KCNH7: variants seen among roughly 807,000 people sequenced by gnomAD.
KCNH7 encodes the protein potassium voltage-gated channel subfamily H member 7.
Under a neutral mutation model 120.8 loss-of-function variants are expected in KCNH7, and 49 were observed. The ratio of observed to expected loss-of-function variants is 0.41; its 90% confidence interval spans 0.32 to 0.51. The LOEUF (loss-of-function observed/expected upper bound fraction) is 0.51. KCNH7 is among the 20% of genes least tolerant of loss of function. The pLI is 0.38. For synonymous variants in KCNH7, 547 were observed against 516.1 expected (o/e 1.06, Z -0.81); for missense variants, 1,097 against 1,446.6 (o/e 0.76, Z 3.92).
chr2:162,722,146 C>T (rs76268516), intron 2 of KCNH7, among the ~76,000 whole-genome samples: 6,133 of 151,900 alleles, frequency 0.04, 170 homozygotes, highest in Middle Eastern at 0.11. Flanking sequence ...ACACTTTTTA[C>T]TAAACGAACC....
At chr2:162,590,551 G>A (rs1039628700) in intron 2 of KCNH7, among the ~76,000 whole-genome samples, 2 of 152,024 alleles carry the variant, frequency 1.3e-5, no homozygotes, top group African/African-American at 4.8e-5. Context: ...ATAGCAAAGG[G>A]AAATAAATGA....
At chr2:162,740,714 C>G (rs1688095903) in intron 2 of KCNH7, among the ~76,000 whole-genome samples, 1 of 152,156 alleles carries the variant, frequency 6.6e-6, no homozygotes, top group Non-Finnish European at 1.5e-5. Flanking sequence ...TCAACAGTTA[C>G]CTTCCACTCT....
At chr2:162,554,678 C>A (rs766031143) in intron 2 of KCNH7, among the ~76,000 whole-genome samples, 4 of 152,126 alleles carry the variant, frequency 2.6e-5, no homozygotes, top group Non-Finnish European at 4.4e-5. Flanking sequence ...TCCTTCCCTC[C>A]CTCTTCTTCT....
At chr2:162,718,861 A>G (rs12987663) in intron 2 of KCNH7, among the ~76,000 whole-genome samples, 4 of 151,970 alleles carry the variant, frequency 2.6e-5, no homozygotes, top group African/African-American at 9.7e-5. Context: ...CATGTTCACT[A>G]GGTAAGTGAG....
At chr2:162,801,943 T>C (rs983640956) in intron 2 of KCNH7, among the ~76,000 whole-genome samples, 3 of 151,792 alleles carry the variant, frequency 2.0e-5, no homozygotes, top group African/African-American at 7.2e-5. Context: ...AAAATCTCAG[T>C]CTATTAGAAC....
chr2:162,510,719 G>T, intron 5 of KCNH7, among the ~76,000 whole-genome samples: 1 of 151,518 alleles, frequency 6.6e-6, no homozygotes. Context: ...GCATTTTTTA[G>T]TTTTTTATTT....
chr2:162,703,778 T>C (rs554180272), intron 2 of KCNH7, among the ~76,000 whole-genome samples: 3 of 152,108 alleles, frequency 2.0e-5, no homozygotes, highest in Non-Finnish European at 4.4e-5. Context: ...ACCATAGTCA[T>C]CACAGTACTA....
chr2:162,503,376 A>C (rs2105750263), intron 6 of KCNH7, among the ~76,000 whole-genome samples: 1 of 152,196 alleles, frequency 6.6e-6, no homozygotes, highest in South Asian at 2.1e-4. Context: ...ATTTTACTAA[A>C]TATAAGTTAA....
rs559788838 is a variant in KCNH7 at position 162,677,303 on chromosome 2, C to G, written c.308-140223G>C. On this transcript the variant is annotated intron_variant, in intron 2 of 15. Coordinates refer to ENST00000332142, the MANE Select transcript of KCNH7 (RefSeq NM_033272.4). ...ATTAAAGTGTATCACACAGAGGAGTCAGCCAATTGTCATACATAACCTAGT... is the reference window on the plus strand; with the variant it reads ...ATTAAAGTGTATCACACAGAGGAGTGAGCCAATTGTCATACATAACCTAGT... 5.9e-5 allele frequency among the ~76,000 whole-genome samples: 9 copies of G among 151,592 alleles called. No individual in the cohort carries two copies. The South Asian group carries it at 1.0e-3, about 17-fold the overall frequency.
intron 2 of KCNH7, among the ~76,000 whole-genome samples, chr2:162,558,161 G>C (rs1009884388): frequency 5.2e-4 from 78 of 151,448 alleles, no homozygotes; most frequent in African/African-American, 1.8e-3. Context: ...TGTGGGTTTT[G>C]TGTCCTCAAG....
At chr2:162,701,390 C>T (rs964673289) in intron 2 of KCNH7, among the ~76,000 whole-genome samples, 1 of 152,006 alleles carries the variant, frequency 6.6e-6, no homozygotes, top group Non-Finnish European at 1.5e-5. Flanking sequence ...AATCTATTTT[C>T]TATCTTAGAA....
intron 5 of KCNH7, among the ~76,000 whole-genome samples, chr2:162,510,314 C>T (rs1254076173): frequency 6.6e-6 from 1 of 151,562 alleles, no homozygotes. Flanking sequence ...TACCAATTTG[C>T]TGTCTTTTTA....
At chr2:162,452,225 G>T (rs1328599446) in intron 6 of KCNH7, among the ~76,000 whole-genome samples, 1 of 151,770 alleles carries the variant, frequency 6.6e-6, no homozygotes, top group African/African-American at 2.4e-5. Context: ...CTGAATGATG[G>T]ATAGTTACTA....
chr2:162,671,960 C>T (rs1685374990), intron 2 of KCNH7, among the ~76,000 whole-genome samples: 1 of 151,818 alleles, frequency 6.6e-6, no homozygotes, highest in Non-Finnish European at 1.5e-5. Flanking sequence ...TGAGATAGCA[C>T]AATAAACATA....
intron 2 of KCNH7, among the ~76,000 whole-genome samples, chr2:162,558,864 C>A (rs1370678815): frequency 1.3e-5 from 2 of 151,194 alleles, no homozygotes; most frequent in Non-Finnish European, 3.0e-5. Flanking sequence ...GATATCGAGA[C>A]CATCCACGGT....
At chr2:162,821,447 C>G (rs186674773) in intron 2 of KCNH7, among the ~76,000 whole-genome samples, 1 of 152,306 alleles carries the variant, frequency 6.6e-6, no homozygotes, top group East Asian at 1.9e-4. Context: ...TTTGTCTACA[C>G]AGTAAACATT....
At chr2:162,825,284 GT>G (rs964424445) in intron 2 of KCNH7, among the ~76,000 whole-genome samples, 6 of 151,820 alleles carry the variant, frequency 4.0e-5, no homozygotes, top group African/African-American at 1.5e-4. Flanking sequence ...TACTTAGCAT[GT>G]TTTTTTAATG....
chr2:162,768,434 A>T (rs1251709977), intron 2 of KCNH7, among the ~76,000 whole-genome samples: 1 of 152,142 alleles, frequency 6.6e-6, no homozygotes, highest in Non-Finnish European at 1.5e-5. Context: ...TCTGAAGTCA[A>T]AAGTGCCCTA....
At chr2:162,411,465 A>G (rs980108520) in intron 9 of KCNH7, among the ~76,000 whole-genome samples, 4 of 151,958 alleles carry the variant, frequency 2.6e-5, no homozygotes, top group African/African-American at 9.7e-5. Flanking sequence ...TTGAGGAGGG[A>G]GGGTGAAAAG....
Sources: gnomAD v4.1 joint callset for allele counts (sites outside exome capture counted in the v4.1 genomes callset) on GRCh38, gnomAD v4.1.1 for gene constraint, MANE v1.5 for transcripts, NCBI Gene and HGNC (gene_info 2026-07-23, HGNC 2026-07-21) for gene names.